PTPN12: variants seen among roughly 807,000 people sequenced by gnomAD.
PTPN12 encodes tyrosine-protein phosphatase non-receptor type 12.
In PTPN12, 29 loss-of-function variants were observed where a neutral mutation model predicts 97.6. That is an observed-to-expected ratio of 0.30 (90% CI 0.22 to 0.41). The LOEUF (loss-of-function observed/expected upper bound fraction) is 0.41, where lower values mean the gene tolerates loss of function less well. Ranked by LOEUF, PTPN12 falls within the 10% of genes least tolerant of loss-of-function variation. The pLI, the probability that PTPN12 is intolerant of heterozygous loss-of-function variation, is 1.00. For missense variants in PTPN12, 819 were observed against 926.0 expected (o/e 0.88, Z 1.50); for synonymous variants, 327 against 300.4 (o/e 1.09, Z -0.91).
chr7:77,618,525 A>G lies in PTPN12; in HGVS notation c.985A>G (p.Lys329Glu), dbSNP rs537602682. ...CATGGTCAGCTCCATAGAGCCTGAAAAACAAGATTCTCCTCCTCCAAAACC... is the reference window on the plus strand; with the variant it reads ...CATGGTCAGCTCCATAGAGCCTGAAGAACAAGATTCTCCTCCTCCAAAACC... ...ENMVSSIEPE[K>E]QDSPPPKPPR... Residue 329 changes from lysine (K) to glutamate (E), a missense_variant, in exon 12 of 18, where the codon AAA (lysine) becomes GAA (glutamate). By Grantham distance (56) the Lys-to-Glu change is moderately conservative (BLOSUM62 1). Around this residue, in one of 5 missense-constraint regions of PTPN12, gnomAD observed 607 missense variants for 577.3 expected, o/e 1.05. Coordinates refer to ENST00000248594, the MANE Select transcript of PTPN12 (RefSeq NM_002835.4). The G allele has an allele frequency of 3.7e-6, 6 of 1,610,100 alleles. No individual in the cohort carries two copies. Among genetic ancestry groups the G allele is most frequent in the Non-Finnish European group, 5.1e-6 (6 of 1,177,118 alleles).
In PTPN12 at chr7:77,626,747, A is replaced by C; in HGVS notation, c.1068A>C (p.Pro356=). The change falls in exon 13 of 18, where the codon CCA becomes CCC. Residue 356 remains proline (P), a synonymous_variant. Coordinates refer to ENST00000248594, the MANE Select transcript of PTPN12 (RefSeq NM_002835.4). Reference sequence around the variant, plus strand: ...ATGCTAAAGAAGAAATACTGCAGCCACCGGAACCTCATCCAGTGCCACCCA... The same window carrying C: ...ATGCTAAAGAAGAAATACTGCAGCCCCCGGAACCTCATCCAGTGCCACCCA... ...EGDAKEEILQ[P]PEPHPVPPIL... is the part of the protein sequence containing the mutation. 1 of 1,611,526 alleles carries C rather than the reference A, an allele frequency of 6.2e-7. No individual in the cohort carries two copies.
chr7:77,565,001 C>T (rs891076482), intron 1 of PTPN12, among the ~76,000 whole-genome samples: 3 of 152,026 alleles, frequency 2.0e-5, no homozygotes, highest in African/African-American at 7.2e-5. Flanking sequence ...CGTGATCTAC[C>T]AGCCTTGGCC....
intron 2 of PTPN12, among the ~76,000 whole-genome samples, chr7:77,579,665 T>C (rs1405808104): frequency 6.6e-6 from 1 of 152,204 alleles, no homozygotes; most frequent in Non-Finnish European, 1.5e-5. Flanking sequence ...TAAAAAGTTT[T>C]AAACATCAGC....
At chr7:77,579,736 T>A (rs1236232555) in intron 2 of PTPN12, among the ~76,000 whole-genome samples, 5 of 152,274 alleles carry the variant, frequency 3.3e-5, no homozygotes, top group African/African-American at 1.2e-4. Flanking sequence ...TCTTTTTACA[T>A]AGATCTCATA....
At chr7:77,635,510 TTGTC>T (rs1242898527) in intron 14 of PTPN12, among the ~76,000 whole-genome samples, 2 of 152,246 alleles carry the variant, frequency 1.3e-5, no homozygotes, top group African/African-American at 4.8e-5. Context: ...TATACTTCAC[TTGTC>T]TGTCACATTA....
intron 1 of PTPN12, among the ~76,000 whole-genome samples, chr7:77,559,587 GT>G (rs1807906177): frequency 1.3e-5 from 2 of 152,128 alleles, no homozygotes; most frequent in African/African-American, 4.8e-5. Context: ...TACACTTCCA[GT>G]TTTTATTACC....
At chr7:77,623,198 T>C (rs1789007743) in intron 12 of PTPN12, among the ~76,000 whole-genome samples, 1 of 152,182 alleles carries the variant, frequency 6.6e-6, no homozygotes, top group Non-Finnish European at 1.5e-5. Context: ...TGCTTAGGTT[T>C]AGAGTAAGAT....
chr7:77,574,792 AGTAGGTCTCCAGTAAATTT>A (rs1048276726), intron 2 of PTPN12, among the ~76,000 whole-genome samples: 2 of 152,104 alleles, frequency 1.3e-5, no homozygotes, highest in African/African-American at 4.8e-5. Flanking sequence ...AAGTTTGATA[AGTAGGTCTCCAGTAAATTT>A]CTAGTTATTT....
At chr7:77,593,772 A>G (rs1414787317) in intron 6 of PTPN12, among the ~76,000 whole-genome samples, 2 of 152,238 alleles carry the variant, frequency 1.3e-5, no homozygotes, top group African/African-American at 4.8e-5. Context: ...ATGTTTGACC[A>G]AATATTCTGG....
Position 77,537,447 on chromosome 7 carries a change from G to GAA in PTPN12, c.-99_-98insAA. 1 of 1,333,710 alleles carries GAA rather than the reference G, an allele frequency of 7.5e-7. No homozygotes were observed. Among genetic ancestry groups the GAA allele is most frequent in the Non-Finnish European group, 9.7e-7 (1 of 1,029,752 alleles). 82.6% of individuals were successfully genotyped at this position (1,333,710 alleles called of 1,614,324 possible). ...GGGCTTGGCGGGGTCGGGAGGGAGG[G>GAA]ACGTGCTGGGGGAACGAGCTGGGGA... On this transcript the variant is annotated 5_prime_UTR_variant, in exon 1 of 18. Transcript: ENST00000248594.
chr7:77,561,744 A>G (rs1434322743), intron 1 of PTPN12, among the ~76,000 whole-genome samples: 2 of 149,700 alleles, frequency 1.3e-5, no homozygotes, highest in East Asian at 2.0e-4. Flanking sequence ...AATATTCTCA[A>G]TTTTACTGTA....
At chr7:77,632,163 C>T (rs933846113) in intron 13 of PTPN12, among the ~76,000 whole-genome samples, 185 bp from the exon 14 acceptor site, 1 of 152,180 alleles carries the variant, frequency 6.6e-6, no homozygotes, top group African/African-American at 2.4e-5. Flanking sequence ...TTTCTGTATA[C>T]ATTATCTTTG....
chr7:77,637,796 G>A (rs1789646830), intron 16 of PTPN12, among the ~76,000 whole-genome samples: 1 of 144,464 alleles, frequency 6.9e-6, no homozygotes, highest in Non-Finnish European at 1.5e-5. Context: ...GGCAGAGGTT[G>A]CAGTGCGCCG....
At position 77,559,903 on chromosome 7, in the gene PTPN12, GA is replaced by G. The variant is rs374562178; in HGVS notation, c.100-11174del. ...CTTGGGTGATGGCGGCATTGGTAGT[GA>G]TGGGATAAAATGTGTAAACATGATG... On this transcript the variant is annotated intron_variant, in intron 1 of 17. Transcript: ENST00000248594. Among the ~76,000 whole-genome samples, 73 of 152,320 alleles carry G rather than the reference GA, an allele frequency of 4.8e-4. 1 individual carries two copies. The South Asian group carries it at 0.011, about 23-fold the overall frequency.
At chr7:77,581,963 A>G (rs1787529652) in intron 3 of PTPN12, among the ~76,000 whole-genome samples, 2 of 152,110 alleles carry the variant, frequency 1.3e-5, no homozygotes, top group Non-Finnish European at 2.9e-5. Context: ...TCTAGAACAT[A>G]GCTTTAAATG....
chr7:77,558,077 G>C (rs1006102893), intron 1 of PTPN12, among the ~76,000 whole-genome samples: 4 of 151,846 alleles, frequency 2.6e-5, no homozygotes, highest in Admixed American at 6.6e-5. Flanking sequence ...TGGGCCTGGT[G>C]GTGGGCGCGT....
chr7:77,571,323 A>C (rs1161010722), intron 2 of PTPN12, 137 bp downstream of exon 2: 1 of 578,974 alleles, frequency 1.7e-6, no homozygotes, highest in Non-Finnish European at 3.0e-6. Flanking sequence ...TGGAAAGATA[A>C]TAATTCATAA....
intron 7 of PTPN12, among the ~76,000 whole-genome samples, chr7:77,600,185 CT>C (rs1788148096): frequency 1.3e-5 from 2 of 152,140 alleles, no homozygotes; most frequent in Non-Finnish European, 2.9e-5. Flanking sequence ...TCTCTCCATT[CT>C]TTTTCAGTTT....
intron 2 of PTPN12, 130 bp downstream of exon 2, chr7:77,571,316 A>G (rs888990272): frequency 1.0e-5 from 6 of 600,834 alleles, no homozygotes; most frequent in Non-Finnish European, 1.4e-5. Flanking sequence ...AAGTACATGG[A>G]AAGATAATAA....
Sources: gnomAD v4.1 joint callset for allele counts (sites outside exome capture counted in the v4.1 genomes callset) on GRCh38, gnomAD v4.1.1 for gene constraint, gnomAD v4.1.1 regional missense constraint, MANE v1.5 for transcripts, NCBI Gene and HGNC (gene_info 2026-07-23, HGNC 2026-07-21) for gene names.